LCOR: variants seen among roughly 807,000 people sequenced by gnomAD.
LCOR encodes ligand dependent nuclear receptor corepressor, also known as ligand-dependent corepressor.
In LCOR, 14 loss-of-function variants were observed where a neutral mutation model predicts 64.4. The observed-to-expected ratio is 0.22, with a 90% CI of 0.14 to 0.34. The LOEUF is 0.34. Among genes scored for constraint, LCOR ranks in the 10% least tolerant of loss-of-function variants. The pLI is 1.00. For synonymous variants in LCOR, 643 were observed against 642.5 expected (o/e 1.00, Z -0.01); for missense variants, 1,686 against 1,765.3 (o/e 0.96, Z 0.80).
intron 4 of LCOR, among the ~76,000 whole-genome samples, chr10:96,910,976 TAA>T (rs2134456904): frequency 6.6e-6 from 1 of 152,256 alleles, no homozygotes; most frequent in South Asian, 2.1e-4. Flanking sequence ...TAGAGATTAG[TAA>T]AAATTTTTGA....
intron 4 of LCOR, among the ~76,000 whole-genome samples, chr10:96,935,630 T>A (rs1217054343): frequency 6.6e-6 from 1 of 152,166 alleles, no homozygotes; most frequent in Non-Finnish European, 1.5e-5. Flanking sequence ...GGCCAGTAGT[T>A]CTGCAACAAC....
intron 4 of LCOR, among the ~76,000 whole-genome samples, chr10:96,920,751 T>TAC (rs55839435): frequency 0.3 from 36,096 of 118,392 alleles, 6,261 homozygotes; most frequent in Admixed American, 0.38. Context: ...TATATATGTA[T>TAC]ACACACACAC....
At chr10:96,863,913 G>C (rs1845930198) in intron 2 of LCOR, among the ~76,000 whole-genome samples, 1 of 152,002 alleles carries the variant, frequency 6.6e-6, no homozygotes, top group Admixed American at 6.6e-5. Context: ...TATTCTTTCT[G>C]TATCAGTTAG....
At chr10:96,943,938 G>A (rs1847543051) in intron 4 of LCOR, among the ~76,000 whole-genome samples, 175 bp from the exon 5 acceptor site, 1 of 151,980 alleles carries the variant, frequency 6.6e-6, no homozygotes, top group African/African-American at 2.4e-5. Flanking sequence ...TGAAGAATAT[G>A]TTTACATTTA....
chr10:96,914,219 G>A (rs867771097), intron 4 of LCOR, among the ~76,000 whole-genome samples: 4 of 152,012 alleles, frequency 2.6e-5, no homozygotes, highest in Admixed American at 1.3e-4. Context: ...ATTTTGAGAC[G>A]GAGCCTCGCT....
chr10:96,944,758 C>T (rs994388304), intron 5 of LCOR, among the ~76,000 whole-genome samples: 2 of 151,622 alleles, frequency 1.3e-5, no homozygotes, highest in African/African-American at 4.8e-5. Flanking sequence ...AAAACTTTTC[C>T]CCCTGCATTT....
chr10:96,894,459 A>T (rs1488527808), intron 2 of LCOR, among the ~76,000 whole-genome samples: 1 of 152,204 alleles, frequency 6.6e-6, no homozygotes, highest in Non-Finnish European at 1.5e-5. Flanking sequence ...GCAGATTGTT[A>T]TTGAAAGGCA....
intron 7 of LCOR, chr10:96,957,864 C>G: frequency 1.0e-6 from 1 of 985,976 alleles, no homozygotes. Context: ...GATAACTGAG[C>G]CTGTTTCCTC....
At chr10:96,951,484 A>T (rs1179826841) in intron 6 of LCOR, among the ~76,000 whole-genome samples, 1 of 152,164 alleles carries the variant, frequency 6.6e-6, no homozygotes, top group Non-Finnish European at 1.5e-5. Flanking sequence ...GAATATAAGT[A>T]TACATTTTTT....
chr10:96,956,015 G>T (rs1328762897), intron 7 of LCOR: 2 of 1,506,398 alleles, frequency 1.3e-6, no homozygotes, highest in Admixed American at 4.5e-5. Flanking sequence ...TTCATTTACT[G>T]TGACACTTGC....
rs950999380 is a variant in LCOR, at chr10:96,992,994, T to A, written c.*7860T>A. On this transcript the variant is annotated 3_prime_UTR_variant, in exon 8 of 8. Coordinates refer to ENST00000421806, the MANE Select transcript of LCOR (RefSeq NM_001346516.2). ...TGTGGGCCAGTCCCCCTGTAACCAG[T>A]GGTTACAGAATGATACCATCTGTTC... 4 of 152,254 alleles carry A rather than the reference T, an allele frequency of 2.6e-5. No individual in the cohort carries two copies. Among genetic ancestry groups the A allele is most frequent in the Non-Finnish European group, 5.9e-5 (4 of 68,072 alleles). 9.4% of individuals were successfully genotyped at this position (152,254 alleles called of 1,614,324 possible).
Position 96,975,913 on chromosome 10 carries a change from G to A in LCOR, c.333-4880G>A, listed in dbSNP as rs187249033. Reference sequence around the variant, plus strand: ...GCCTGTAATCCCAGCTACTTGGGAGGCTGAGCCAGGAGGGTTGCTTGAACC... The same window carrying A: ...GCCTGTAATCCCAGCTACTTGGGAGACTGAGCCAGGAGGGTTGCTTGAACC... On this transcript the variant is annotated intron_variant, in intron 7 of 7. Coordinates refer to ENST00000421806, the MANE Select transcript of LCOR (RefSeq NM_001346516.2). Among the ~76,000 whole-genome samples the A allele has an allele frequency of 5.5e-3, 835 of 152,228 alleles. 19 individuals carry two copies. Among genetic ancestry groups the A allele is most frequent in the South Asian group, 0.043 (208 of 4,816 alleles).
At chr10:96,899,729 T>C (rs1846601106) in intron 2 of LCOR, among the ~76,000 whole-genome samples, 1 of 152,136 alleles carries the variant, frequency 6.6e-6, no homozygotes, top group Non-Finnish European at 1.5e-5. Context: ...TAAACATCCT[T>C]AAGTTTTGTG....
chr10:96,974,988 G>C (rs1589690652), intron 7 of LCOR, among the ~76,000 whole-genome samples: 1 of 152,152 alleles, frequency 6.6e-6, no homozygotes, highest in African/African-American at 2.4e-5. Flanking sequence ...GGCCAACAGG[G>C]TGTAAAACCC....
At chr10:96,833,187 C>A (rs973924179) in intron 1 of LCOR, 5 of 985,040 alleles carry the variant, frequency 5.1e-6, no homozygotes, top group Non-Finnish European at 6.0e-6. Context: ...GACCGAGGAG[C>A]CCCGGCGGGG....
chr10:96,871,312 C>G (rs368457276), intron 2 of LCOR, among the ~76,000 whole-genome samples: 1 of 151,950 alleles, frequency 6.6e-6, no homozygotes, highest in East Asian at 1.9e-4. Flanking sequence ...CTGCGTTGGC[C>G]TCCTGAGATG....
At chr10:96,833,140 G>C in intron 1 of LCOR, 1 of 985,528 alleles carries the variant, frequency 1.0e-6, no homozygotes, top group Non-Finnish European at 1.2e-6. Flanking sequence ...TTTGTGTTCG[G>C]TGTCGTGCTG....
intron 4 of LCOR, among the ~76,000 whole-genome samples, chr10:96,911,804 A>T (rs1422783343): frequency 2.6e-5 from 4 of 152,238 alleles, no homozygotes; most frequent in African/African-American, 4.8e-5. Flanking sequence ...GCACTCTAAA[A>T]TATTTATTAA....
intron 2 of LCOR, among the ~76,000 whole-genome samples, chr10:96,883,589 C>T (rs1056494298): frequency 6.6e-6 from 1 of 152,122 alleles, no homozygotes; most frequent in African/African-American, 2.4e-5. Flanking sequence ...CTTGCAGTTC[C>T]CTGCTGACAT....
Sources: allele counts gnomAD v4.1 joint callset (sites outside exome capture counted in the v4.1 genomes callset), GRCh38; gene constraint gnomAD v4.1.1; transcripts MANE v1.5; gene names NCBI Gene and HGNC (gene_info 2026-07-23, HGNC 2026-07-21).